The following ZFAND4 variants were observed in gnomAD, a reference collection of about 807,000 sequenced individuals.
The protein encoded by ZFAND4 is AN1-type zinc finger protein 4.
ZFAND4 carries 43 observed loss-of-function variants against 64.4 expected under a neutral mutation model. The observed-to-expected ratio is 0.67, with a 90% CI of 0.52 to 0.86. ZFAND4 has a LOEUF of 0.86. ZFAND4 is among the 40% of genes least tolerant of loss of function. ZFAND4 has a pLI of 0.00. For synonymous variants in ZFAND4, 296 were observed against 305.7 expected (o/e 0.97, Z 0.33); for missense variants, 929 against 859.8 (o/e 1.08, Z -1.01).
rs576501368 is a variant in ZFAND4 at position 45,640,985 on chromosome 10, T to C, written c.570-1022A>G. The stretch of plus-strand genomic sequence containing the variant: ...TTCATATTTCAATGTAATTAATATT[T>C]GGAGCCCTTCCTCTTTGATTGTATA... On this transcript the variant is annotated intron_variant, in intron 5 of 9. Transcript: ENST00000344646. 1.1e-3 allele frequency among the ~76,000 whole-genome samples: 173 copies of C among 152,362 alleles called. 1 individual carries two copies. The highest frequency in any genetic ancestry group is 3.8e-3 in the African/African-American group (158 of 41,592).
rs973300801 is a variant in ZFAND4, at chr10:45,672,579, C to T, written c.-447G>A. 2 of 151,934 alleles carry T rather than the reference C, an allele frequency of 1.3e-5. No individual in the cohort carries two copies. The highest frequency in any genetic ancestry group is 4.8e-5 in the African/African-American group (2 of 41,414). 9.4% of individuals were successfully genotyped at this position (151,934 alleles called of 1,614,324 possible). A position where few individuals can be genotyped will look rare whatever the true frequency, so the allele number is the denominator to read the frequency against. On this transcript the variant is annotated 5_prime_UTR_variant, in exon 1 of 10. The change abolishes an upstream ATG in the 5' untranslated region. Transcript: ENST00000344646. Reference sequence around the variant, plus strand: ...CGCCCGCGCCACTCCGGCCTTGCGCCATTCCGGCCCCACGACGGCCGGCGG... The same window carrying T: ...CGCCCGCGCCACTCCGGCCTTGCGCTATTCCGGCCCCACGACGGCCGGCGG...
chr10:45,665,823 G>T (rs571972323), intron 1 of ZFAND4, among the ~76,000 whole-genome samples: 2 of 152,306 alleles, frequency 1.3e-5, no homozygotes, highest in South Asian at 4.1e-4. Flanking sequence ...AATCATATAT[G>T]ATTTTTTTGT....
At position 45,648,454 on chromosome 10, in the gene ZFAND4, T is replaced by C; in HGVS notation, c.409A>G (p.Ser137Gly). Residue 137 changes from serine (S) to glycine (G), a missense_variant, in exon 5 of 10, where the codon AGC (serine) becomes GGC (glycine). Ser to Gly is a moderately conservative substitution (Grantham distance 56, BLOSUM62 0). Coordinates refer to ENST00000344646, the MANE Select transcript of ZFAND4 (RefSeq NM_174890.4). ...TATACCAAAAATGTAACTTGTTTGC[T>C]GCAGGAGGTCTTCTCCCAGACCTCA... ...RVEVWEKTSC[S>G]KQVTFLVYQE... 6.2e-7 allele frequency: 1 copy of C among 1,613,974 alleles called. No individual in the cohort carries two copies. The highest frequency in any genetic ancestry group is 2.2e-5 in the East Asian group (1 of 44,854).
In ZFAND4 at chr10:45,635,965, T is replaced by G. The variant is rs534738979; in HGVS notation, c.717+3851A>C. On this transcript the variant is annotated intron_variant, in intron 6 of 9. Coordinates refer to ENST00000344646, the MANE Select transcript of ZFAND4 (RefSeq NM_174890.4). ...AAATAAGTGTTCATGGTAAAATTCT[T>G]TCAACCTTACTGTATATTGGAAAAG... Among the ~76,000 whole-genome samples, 95 of 152,280 alleles carry G rather than the reference T, an allele frequency of 6.2e-4. 1 individual carries two copies. Among genetic ancestry groups the G allele is most frequent in the African/African-American group, 2.2e-3 (93 of 41,564 alleles).
chr10:45,651,765 CAT>C (rs1467397163), intron 4 of ZFAND4, 199 bp downstream of exon 4: 3 of 616,120 alleles, frequency 4.9e-6, no homozygotes, highest in Admixed American at 2.5e-5. Context: ...GATCAGGAAT[CAT>C]GTGATTTTTC....
intron 9 of ZFAND4, 74 bp downstream of exon 9, chr10:45,618,066 A>C: frequency 6.7e-7 from 1 of 1,488,410 alleles, no homozygotes; most frequent in Non-Finnish European, 9.0e-7. Context: ...CAATTTAAAT[A>C]TTTTATTTTG....
At chr10:45,643,595 G>C (rs1346318883) in intron 5 of ZFAND4, among the ~76,000 whole-genome samples, 1 of 150,904 alleles carries the variant, frequency 6.6e-6, no homozygotes, top group Non-Finnish European at 1.5e-5. Context: ...GCTTGAATCT[G>C]GGAGGCAGAG....
intron 9 of ZFAND4, among the ~76,000 whole-genome samples, chr10:45,616,823 G>A (rs1202857778): frequency 1.3e-5 from 2 of 152,164 alleles, no homozygotes; most frequent in Non-Finnish European, 1.5e-5. Flanking sequence ...GACCAGGGGC[G>A]GTGGCTCAAG....
chr10:45,646,576 T>C (rs995359033), intron 5 of ZFAND4, among the ~76,000 whole-genome samples: 1 of 152,172 alleles, frequency 6.6e-6, no homozygotes, highest in Non-Finnish European at 1.5e-5. Flanking sequence ...AAATAGAAGT[T>C]GGCTGAGGAG....
In ZFAND4 at chr10:45,639,843, C is replaced by A; in HGVS notation, c.690G>T (p.Lys230Asn). Residue 230 changes from lysine (K) to asparagine (N), a missense_variant, in exon 6 of 10, where the codon AAG becomes AAT. Transcript: ENST00000344646. ...TMNKMKLLKA[K>N]MKNMNLSKKP... The stretch of plus-strand genomic sequence containing the variant: ...TTTTGCTGAGATTCATGTTCTTCAT[C>A]TTAGCCTTCAGCAGCTTCATCTTAT... 2 of 1,611,914 alleles carry A rather than the reference C, an allele frequency of 1.2e-6. No individual in the cohort carries two copies. Among genetic ancestry groups the A allele is most frequent in the East Asian group, 4.5e-5 (2 of 44,812 alleles).
chr10:45,661,297 C>T (rs1369870990), intron 2 of ZFAND4, among the ~76,000 whole-genome samples: 1 of 152,146 alleles, frequency 6.6e-6, no homozygotes, highest in Non-Finnish European at 1.5e-5. Context: ...ATGGCTTCGG[C>T]ACTCCAGTCC....
intron 5 of ZFAND4, chr10:45,640,486 G>A (rs2133702062): frequency 8.8e-7 from 1 of 1,134,652 alleles, no homozygotes; most frequent in Non-Finnish European, 1.1e-6. Flanking sequence ...TATTCTTAAG[G>A]AGCAAAAAAC....
intron 4 of ZFAND4, chr10:45,651,355 A>G (rs2047745554): frequency 6.6e-6 from 2 of 301,980 alleles, no homozygotes; most frequent in Non-Finnish European, 1.3e-5. Flanking sequence ...TAGGAGTTAC[A>G]TCGACTCTTT....
chr10:45,661,253 A>T lies in ZFAND4; in HGVS notation c.184+2289T>A, dbSNP rs144414426. Among the ~76,000 whole-genome samples the T allele has an allele frequency of 6.6e-3, 1,011 of 152,280 alleles. 15 individuals are homozygous for T. The highest frequency in any genetic ancestry group is 0.023 in the African/African-American group (967 of 41,544). ...CAACTAAGATACAGAGAGATTAAGTAATTTGGGCAGCCAGTAATCTGAAGC... is the reference window on the plus strand; with the variant it reads ...CAACTAAGATACAGAGAGATTAAGTTATTTGGGCAGCCAGTAATCTGAAGC... On this transcript the variant is annotated intron_variant, in intron 2 of 9. Coordinates refer to ENST00000344646, the MANE Select transcript of ZFAND4 (RefSeq NM_174890.4).
At chr10:45,617,764 ATAT>A (rs1211099005) in intron 9 of ZFAND4, 1 of 152,242 alleles carries the variant, frequency 6.6e-6, no homozygotes, top group Non-Finnish European at 1.5e-5. Flanking sequence ...TTTTGGAAAT[ATAT>A]TATTCATCTA....
chr10:45,632,037 C>T (rs780238528), intron 6 of ZFAND4, among the ~76,000 whole-genome samples: 1 of 152,166 alleles, frequency 6.6e-6, no homozygotes, highest in Non-Finnish European at 1.5e-5. Context: ...GGGAAACCTA[C>T]AGCAAAAAGA....
At chr10:45,672,178 C>T (rs557856309) in intron 1 of ZFAND4, 72 bp downstream of exon 1, 2 of 152,332 alleles carry the variant, frequency 1.3e-5, no homozygotes, top group South Asian at 2.1e-4. Context: ...AACTCTAGTC[C>T]GGAGTTCATC....
chr10:45,640,422 C>CAAA, intron 5 of ZFAND4: 2 of 687,242 alleles, frequency 2.9e-6, no homozygotes, highest in Non-Finnish European at 3.8e-6. Flanking sequence ...GAGATTCTCA[C>CAAA]TAAAAAAAAA....
chr10:45,671,130 A>G (rs1282565664), intron 1 of ZFAND4, among the ~76,000 whole-genome samples: 1 of 152,266 alleles, frequency 6.6e-6, no homozygotes, highest in Non-Finnish European at 1.5e-5. Context: ...CCACAGTGAG[A>G]TACCATCTCA....
Sources: gnomAD v4.1 joint callset for allele counts (sites outside exome capture counted in the v4.1 genomes callset) on GRCh38, gnomAD v4.1.1 for gene constraint, MANE v1.5 for transcripts, NCBI Gene and HGNC (gene_info 2026-07-23, HGNC 2026-07-21) for gene names.